RASSF3: variants seen among roughly 807,000 people sequenced by gnomAD.
RASSF3 encodes the protein Ras association domain family member 3.
RASSF3 carries 19 observed loss-of-function variants against 19.9 expected under a neutral mutation model. The ratio of observed to expected loss-of-function variants is 0.96; its 90% CI spans 0.67 to 1.40. The LOEUF (loss-of-function observed/expected upper bound fraction) is 1.40, where lower values mean the gene tolerates loss of function less well. RASSF3 is among the 40% of genes most tolerant of loss of function. The pLI is 0.00. For missense variants in RASSF3, 306 were observed against 289.8 expected, an observed-to-expected ratio of 1.06 and a Z score of -0.41; for synonymous variants, 110 against 104.2, an observed-to-expected ratio of 1.06 and a Z score of -0.34.
chr12:64,588,837 A>G (rs1344594736), intron 2 of RASSF3, among the ~76,000 whole-genome samples: 1 of 152,014 alleles, frequency 6.6e-6, no homozygotes, highest in Non-Finnish European at 1.5e-5. Context: ...TTGAGTGGGA[A>G]TTTTTTTTAA....
chr12:64,537,287 C>T (rs772019582), intron 1 of RASSF3, among the ~76,000 whole-genome samples: 6 of 152,136 alleles, frequency 3.9e-5, no homozygotes, highest in East Asian at 1.9e-4. Flanking sequence ...TAGAACTTAA[C>T]GTGGTACATC....
chr12:64,517,830 G>C (rs895091226), intron 1 of RASSF3, among the ~76,000 whole-genome samples: 1 of 151,832 alleles, frequency 6.6e-6, no homozygotes, highest in East Asian at 1.9e-4. Flanking sequence ...TGTTGCCCAG[G>C]CTGGTCTTGA....
At chr12:64,605,908 A>AT (rs1357867467), upstream of RASSF3, among the ~76,000 whole-genome samples, 2 of 144,760 alleles carry the variant, frequency 1.4e-5, no homozygotes, top group African/African-American at 2.6e-5. Flanking sequence ...AAAAAAAAAA[A>AT]GCAGCGAGAT....
chr12:64,678,764 G>A (rs933878463), intron 1 of RASSF3, among the ~76,000 whole-genome samples: 2 of 151,838 alleles, frequency 1.3e-5, no homozygotes, highest in Admixed American at 1.3e-4. Context: ...GTCCACAACT[G>A]TCTCTCACAG....
Position 64,583,547 on chromosome 12 carries a change from G to A in RASSF3, c.294+41842G>A, listed in dbSNP as rs537276031. ...TAAGGCAGGAGAATTGCTTGAACCC[G>A]GGAGGCAGAGGTTATAGTGAGCCAA... On this transcript the variant is annotated intron_variant, in intron 2 of 5. Coordinates refer to the RASSF3 transcript ENST00000637125. Among the ~76,000 whole-genome samples, 8 of 152,234 alleles carry A rather than the reference G, an allele frequency of 5.3e-5. No individual in the cohort carries two copies. In the South Asian group the frequency reaches 1.0e-3, roughly 20 times the overall value.
intron 1 of RASSF3, among the ~76,000 whole-genome samples, chr12:64,632,686 T>G (rs12304958): frequency 0.051 from 7,814 of 152,010 alleles, 692 homozygotes; most frequent in African/African-American, 0.18. Flanking sequence ...ACAGGTTTAG[T>G]GAGGTAGGGG....
intron 1 of RASSF3, among the ~76,000 whole-genome samples, chr12:64,625,779 G>A (rs771339814): frequency 3.3e-5 from 5 of 152,168 alleles, no homozygotes; most frequent in Non-Finnish European, 7.3e-5. Context: ...TGACTGTCTC[G>A]GCTCTGAGGG....
chr12:64,561,981 C>T (rs1169948258), intron 2 of RASSF3, among the ~76,000 whole-genome samples: 1 of 125,604 alleles, frequency 8.0e-6, no homozygotes, highest in Non-Finnish European at 1.8e-5. Context: ...CTGTGCATGG[C>T]CCATAGTATT....
chr12:64,526,060 A>G (rs1045549062), intron 1 of RASSF3, among the ~76,000 whole-genome samples: 2 of 152,288 alleles, frequency 1.3e-5, no homozygotes, highest in East Asian at 3.9e-4. Flanking sequence ...CTGCAGGTCC[A>G]CCCACCTCAG....
At chr12:64,648,642 C>A (rs957529924) in intron 1 of RASSF3, among the ~76,000 whole-genome samples, 9 of 151,732 alleles carry the variant, frequency 5.9e-5, no homozygotes, top group Non-Finnish European at 1.0e-4. Context: ...GCCACAACAC[C>A]CAGCTAATTT....
chr12:64,580,065 T>C (rs1467336015), intron 2 of RASSF3, among the ~76,000 whole-genome samples: 1 of 152,160 alleles, frequency 6.6e-6, no homozygotes, highest in Non-Finnish European at 1.5e-5. Context: ...TCTGCCCACC[T>C]TGGCCTCCTG....
At chr12:64,687,221 C>T (rs112922380) in intron 2 of RASSF3, among the ~76,000 whole-genome samples, 17,810 of 151,870 alleles carry the variant, frequency 0.12, 1,127 homozygotes, top group Middle Eastern at 0.19. Flanking sequence ...AGGCTGGTCT[C>T]GAACTCCTGA....
chr12:64,593,647 G>C (rs935853319), intron 2 of RASSF3, among the ~76,000 whole-genome samples: 4 of 152,114 alleles, frequency 2.6e-5, no homozygotes, highest in Admixed American at 6.6e-5. Flanking sequence ...TCTAGCTGGG[G>C]ATATGAGGAC....
chr12:64,536,964 C>T (rs1043350242), intron 1 of RASSF3, among the ~76,000 whole-genome samples: 6 of 152,200 alleles, frequency 3.9e-5, no homozygotes, highest in African/African-American at 7.2e-5. Flanking sequence ...TACTTCAAGG[C>T]GAGGTCTCTT....
intron 2 of RASSF3, among the ~76,000 whole-genome samples, chr12:64,560,258 C>T (rs758627530): frequency 1.8e-4 from 28 of 152,232 alleles, no homozygotes; most frequent in Admixed American, 7.2e-4. Flanking sequence ...ATTTAGGCAT[C>T]TCTAGAGCTC....
At chr12:64,674,234 C>G in intron 1 of RASSF3, among the ~76,000 whole-genome samples, 1 of 152,162 alleles carries the variant, frequency 6.6e-6, no homozygotes, top group South Asian at 2.1e-4. Flanking sequence ...TCTGTAGATT[C>G]ATTCAGTTTT....
rs73317517 is a variant in RASSF3 at position 64,551,063 on chromosome 12, T to C, written c.294+9358T>C. Among the ~76,000 whole-genome samples, 588 of 152,108 alleles carry C rather than the reference T, an allele frequency of 3.9e-3. 3 individuals carry two copies. Among genetic ancestry groups the C allele is most frequent in the African/African-American group, 0.014 (566 of 41,490 alleles). On this transcript the variant is annotated intron_variant, in intron 2 of 5. Transcript: ENST00000637125. The stretch of plus-strand genomic sequence containing the variant: ...TTTCACCCTTATTCAAATTCAGAAG[T>C]AGGGGCAGAGACCAGAGGAAGATGT...
intron 2 of RASSF3, among the ~76,000 whole-genome samples, chr12:64,591,475 T>TA (rs35494663): frequency 0.52 from 76,816 of 147,630 alleles, 19,845 homozygotes; most frequent in Admixed American, 0.56. Flanking sequence ...AGACTCCATC[T>TA]AAAAAAAAAA....
At position 64,695,819 on chromosome 12, in the gene RASSF3, G is replaced by C. The variant is rs1868348845; in HGVS notation, c.*907G>C. 6.6e-6 allele frequency: 1 copy of C among 152,304 alleles called. No individual in the cohort carries two copies. Among genetic ancestry groups the C allele is most frequent in the African/African-American group, 2.4e-5 (1 of 41,444 alleles). 9.4% of individuals were successfully genotyped at this position (152,304 alleles called of 1,614,324 possible). A position where few individuals can be genotyped will look rare whatever the true frequency, so the allele number is the denominator to read the frequency against. On this transcript the variant is annotated 3_prime_UTR_variant, in exon 5 of 5. Transcript: ENST00000542104. ...CCTTTTGGAGTGGAAGGTCTGATTG[G>C]TGTAGCTGCTCTGCATAGGCAGGAC... is the stretch of plus-strand genomic sequence containing the variant.
Sources: allele counts gnomAD v4.1 joint callset (sites outside exome capture counted in the v4.1 genomes callset), GRCh38; gene constraint gnomAD v4.1.1; transcripts MANE v1.5; gene names NCBI Gene and HGNC (gene_info 2026-07-23, HGNC 2026-07-21).